Variants in RNFT2 observed in about 807,000 individuals in gnomAD.
RNFT2 encodes ring finger protein, transmembrane 2, also known as E3 ubiquitin-protein ligase RNFT2.
Under a neutral mutation model 53.0 loss-of-function variants are expected in RNFT2, and 36 were observed. The observed-to-expected ratio is 0.68, with a 90% CI of 0.52 to 0.90. RNFT2 has a LOEUF of 0.90. Among genes scored for constraint, RNFT2 ranks in the 40% least tolerant of loss-of-function variants. The pLI, the probability that RNFT2 is intolerant of heterozygous loss-of-function variation, is 0.00. For missense variants in RNFT2, 514 were observed against 585.6 expected, an observed-to-expected ratio of 0.88 and a Z score of 1.26; for synonymous variants, 260 against 253.2, an observed-to-expected ratio of 1.03 and a Z score of -0.26.
rs569667951 is a variant in RNFT2 at position 116,796,749 on chromosome 12, T to C, written c.882+17401T>C. Among the ~76,000 whole-genome samples, 14 of 152,368 alleles carry C rather than the reference T, an allele frequency of 9.2e-5. No homozygotes were observed. In the South Asian group the frequency reaches 2.9e-3, roughly 32 times the overall value. On this transcript the variant is annotated intron_variant, in intron 7 of 10. Coordinates refer to ENST00000257575, the MANE Select transcript of RNFT2 (RefSeq NM_001382266.1). ...CCCTTCTCCCAATCAGACATCTGTC[T>C]ATGCTGGGGCAGGTCTGAGTATTCT...
At position 116,851,104 on chromosome 12, in the gene RNFT2, A is replaced by C. The variant is rs1044842424; in HGVS notation, c.*1656A>C. ...GAGGTACTGTTGGGTCCCCTGTTTT[A>C]TAGATGAGGAAACTTGGGCACAGAG... is the stretch of plus-strand genomic sequence containing the variant. On this transcript the variant is annotated 3_prime_UTR_variant, in exon 11 of 11. Coordinates refer to ENST00000257575, the MANE Select transcript of RNFT2 (RefSeq NM_001382266.1). 1 of 152,244 alleles carries C rather than the reference A, an allele frequency of 6.6e-6. No homozygotes were observed. The highest frequency in any genetic ancestry group is 3.4e-3 in the Middle Eastern group (1 of 292). The allele number at this position is 152,244 out of a possible 1,614,324, so 9.4% of individuals were successfully genotyped here. A position where few individuals can be genotyped will look rare whatever the true frequency, so the allele number is the denominator to read the frequency against.
rs749558734 is a variant in RNFT2, at chr12:116,833,902, C to T, written c.993C>T (p.Phe331=). The change falls in exon 8 of 11, where the codon TTC becomes TTT. Residue 331 remains phenylalanine, a synonymous_variant. Coordinates refer to ENST00000257575, the MANE Select transcript of RNFT2 (RefSeq NM_001382266.1). Reference sequence around the variant, plus strand: ...GTGACGACTCCTCCAACAGCTACTTCCTGGGCGGGGTCCTGATCGTTCTCT... The same window carrying T: ...GTGACGACTCCTCCAACAGCTACTTTCTGGGCGGGGTCCTGATCGTTCTCT... ...IMGDDSSNSY[F]LGGVLIVLYS... is the part of the protein sequence containing the mutation. 3 of 1,613,080 alleles carry T rather than the reference C, an allele frequency of 1.9e-6. No individual in the cohort carries two copies. The highest frequency in any genetic ancestry group is 1.1e-5 in the South Asian group (1 of 90,858).
At chr12:116,751,013 T>C (rs1373457724) in intron 4 of RNFT2, among the ~76,000 whole-genome samples, 2 of 149,102 alleles carry the variant, frequency 1.3e-5, no homozygotes, top group African/African-American at 2.5e-5. Context: ...GCCTCCCAGG[T>C]TGGTTATCCT....
intron 7 of RNFT2, among the ~76,000 whole-genome samples, chr12:116,793,110 C>T (rs978960496): frequency 1.1e-4 from 16 of 151,478 alleles, no homozygotes; most frequent in African/African-American, 1.9e-4. Flanking sequence ...CCAGCCAAGA[C>T]GGGTTAAAGG....
At chr12:116,740,835 G>A in intron 2 of RNFT2, 1 of 634,260 alleles carries the variant, frequency 1.6e-6, no homozygotes, top group Non-Finnish European at 2.8e-6. Context: ...GTGAAATGGG[G>A]TGATAGCTTT....
intron 7 of RNFT2, among the ~76,000 whole-genome samples, chr12:116,819,662 G>GC (rs1168288776): frequency 4.6e-5 from 7 of 152,206 alleles, no homozygotes; most frequent in African/African-American, 1.7e-4. Flanking sequence ...GCGGCCACCA[G>GC]CCCCGCCCCG....
intron 1 of RNFT2, among the ~76,000 whole-genome samples, chr12:116,739,923 G>C (rs1463719928): frequency 6.6e-6 from 1 of 152,176 alleles, no homozygotes; most frequent in African/African-American, 2.4e-5. Flanking sequence ...GTTTCAAAGA[G>C]GGCCGGGCAT....
Position 116,852,148 on chromosome 12 carries a change from C to A in RNFT2, c.*2700C>A. On this transcript the variant is annotated 3_prime_UTR_variant, in exon 11 of 11. Coordinates refer to ENST00000257575, the MANE Select transcript of RNFT2 (RefSeq NM_001382266.1). ...CACCAGAATCTTGCCTGCCCTATTC[C>A]TCCTCCCAAGTCTGTTCTCTTATTG... is the stretch of plus-strand genomic sequence containing the variant. The A allele has an allele frequency of 9.3e-7, 1 of 1,070,712 alleles. No individual in the cohort carries two copies. The highest frequency in any genetic ancestry group is 1.3e-6 in the Non-Finnish European group (1 of 783,718). The allele number at this position is 1,070,712 out of a possible 1,614,324, so 66.3% of individuals were successfully genotyped here.
chr12:116,832,146 A>ATATATATATATATATATAT (rs59112507), intron 7 of RNFT2, among the ~76,000 whole-genome samples: 30 of 71,058 alleles, frequency 4.2e-4, no homozygotes, highest in East Asian at 8.5e-4. Context: ...AAAAAAAAAA[A>ATATATATATATATATATAT]AAATATATAT....
chr12:116,740,293 C>T lies in RNFT2; in HGVS notation c.-153-52C>T, dbSNP rs1871543348. On this transcript the variant is annotated intron_variant, in intron 1 of 10. Coordinates refer to ENST00000257575, the MANE Select transcript of RNFT2 (RefSeq NM_001382266.1). ...CCAACAATGTCCTAAGGCTTCTTAG[C>T]AGATTCAAGGTATCGCAGGGACTGT... is the stretch of plus-strand genomic sequence containing the variant. The T allele has an allele frequency of 8.9e-6, 5 of 564,438 alleles. 1 individual carries two copies. Among genetic ancestry groups the T allele is most frequent in the Admixed American group, 6.0e-5 (2 of 33,552 alleles). The allele number at this position is 564,438 out of a possible 1,614,324, so 35.0% of individuals were successfully genotyped here. A position where few individuals can be genotyped will look rare whatever the true frequency, so the allele number is the denominator to read the frequency against.
chr12:116,790,821 G>A (rs1414011663), intron 7 of RNFT2, among the ~76,000 whole-genome samples: 1 of 152,178 alleles, frequency 6.6e-6, no homozygotes, highest in Non-Finnish European at 1.5e-5. Flanking sequence ...GCCGAGCATG[G>A]TGGCACTCAC....
chr12:116,796,227 G>T (rs1396556852), intron 7 of RNFT2, among the ~76,000 whole-genome samples: 1 of 152,024 alleles, frequency 6.6e-6, no homozygotes, highest in Admixed American at 6.6e-5. Context: ...GGTCATTTCT[G>T]TCTCTTTAAG....
chr12:116,778,869 A>G (rs1873558596), intron 6 of RNFT2, among the ~76,000 whole-genome samples: 2 of 152,124 alleles, frequency 1.3e-5, no homozygotes, highest in Admixed American at 1.3e-4. Flanking sequence ...CAAACAAACA[A>G]AACCACCTCT....
At chr12:116,844,515 G>A (rs865892569) in intron 10 of RNFT2, among the ~76,000 whole-genome samples, 11 of 152,214 alleles carry the variant, frequency 7.2e-5, no homozygotes, top group African/African-American at 1.9e-4. Flanking sequence ...GATTACAGGC[G>A]TGAGCTACCG....
chr12:116,744,517 A>G (rs1871804400), intron 3 of RNFT2, among the ~76,000 whole-genome samples: 1 of 152,168 alleles, frequency 6.6e-6, no homozygotes, highest in Non-Finnish European at 1.5e-5. Flanking sequence ...GAAATTACCT[A>G]AAGTCACACA....
chr12:116,775,857 A>C (rs946626584), intron 6 of RNFT2, among the ~76,000 whole-genome samples: 9 of 152,202 alleles, frequency 5.9e-5, no homozygotes, highest in Non-Finnish European at 1.2e-4. Context: ...AGCCTGGCCA[A>C]CATGGCGAAA....
chr12:116,829,446 T>C (rs1876520726), intron 7 of RNFT2, among the ~76,000 whole-genome samples: 1 of 151,990 alleles, frequency 6.6e-6, no homozygotes, highest in Non-Finnish European at 1.5e-5. Flanking sequence ...GAGGGCCCTT[T>C]GGGAAACAAT....
At chr12:116,792,191 A>G (rs1473463945) in intron 7 of RNFT2, among the ~76,000 whole-genome samples, 2 of 152,144 alleles carry the variant, frequency 1.3e-5, no homozygotes, top group Non-Finnish European at 2.9e-5. Context: ...CTGGGATTAC[A>G]GCTGTGCACC....
chr12:116,829,460 C>G (rs1009084621), intron 7 of RNFT2, among the ~76,000 whole-genome samples: 25 of 152,252 alleles, frequency 1.6e-4, no homozygotes, highest in African/African-American at 6.0e-4. Flanking sequence ...AAACAATGGC[C>G]TCACAACTGG....
Sources: allele counts gnomAD v4.1 joint callset (sites outside exome capture counted in the v4.1 genomes callset), GRCh38; gene constraint gnomAD v4.1.1; transcripts MANE v1.5; gene names NCBI Gene and HGNC (gene_info 2026-07-23, HGNC 2026-07-21).